UBAP1L: variants seen among roughly 807,000 people sequenced by gnomAD.
UBAP1L encodes ubiquitin-associated protein 1-like.
A neutral mutation model predicts 32.1 loss-of-function variants in UBAP1L; 32 were observed. That is an observed-to-expected ratio of 1.00 (90% CI 0.75 to 1.34). The LOEUF (loss-of-function observed/expected upper bound fraction) is 1.34. Ranked by LOEUF, UBAP1L falls within the 40% of genes most tolerant of loss-of-function variation. The probability of loss-of-function intolerance (pLI) is 0.00; values close to 1 mark genes in which losing one functional copy is unlikely to be tolerated. For synonymous variants in UBAP1L, 243 were observed against 250.2 expected, an observed-to-expected ratio of 0.97 and a Z score of 0.27; for missense variants, 516 against 540.5, an observed-to-expected ratio of 0.95 and a Z score of 0.45.
Position 65,110,314 on chromosome 15 carries a change from G to A in UBAP1L, c.-173-3926C>T, listed in dbSNP as rs1426230194. Among the ~76,000 whole-genome samples the A allele has an allele frequency of 4.6e-5, 7 of 151,436 alleles. No homozygotes were observed. In the South Asian group the frequency reaches 8.3e-4, roughly 18 times the overall value. On this transcript the variant is annotated intron_variant, in intron 1 of 5. Transcript: ENST00000559089. Reference sequence around the variant, plus strand: ...GCGGAGATTGCAGTGAGCTGAAATCGCGCGACTGCACTCCAGCCTGGTGAC... The same window carrying A: ...GCGGAGATTGCAGTGAGCTGAAATCACGCGACTGCACTCCAGCCTGGTGAC...
intron 5 of UBAP1L, 66 bp from the exon 6 acceptor site, chr15:65,093,297 C>A (rs1257674606): frequency 2.1e-6 from 3 of 1,458,496 alleles, no homozygotes; most frequent in East Asian, 2.5e-5. Flanking sequence ...CATGGGGAGC[C>A]CCAGCTCCAG....
At chr15:65,100,301 G>A (rs2087226513) in intron 3 of UBAP1L, 1 of 151,604 alleles carries the variant, frequency 6.6e-6, no homozygotes, top group Non-Finnish European at 1.5e-5. Context: ...AAAGAAATAT[G>A]AGGTCCATTC....
Position 65,102,205 on chromosome 15 carries a change from C to G in UBAP1L, c.600G>C (p.Pro200=), listed in dbSNP as rs2087248870. 2 of 1,207,380 alleles carry G rather than the reference C, an allele frequency of 1.7e-6. No homozygotes were observed. Among genetic ancestry groups the G allele is most frequent in the South Asian group, 3.7e-5 (1 of 26,964 alleles). The allele number at this position is 1,207,380 out of a possible 1,614,324, so 74.8% of individuals were successfully genotyped here. A position where few individuals can be genotyped will look rare whatever the true frequency, so the allele number is the denominator to read the frequency against. ...CGGCGGGGTGCTGGGGCGCGGGCCC[C>G]GGGGGTGATGCAGACCTGGGGGACT... ...PAQSPRSASP[P]GPAPQHPAAP... Residue 200 remains proline, a synonymous_variant, in exon 3 of 6, where the codon CCG becomes CCC. Transcript: ENST00000559089. This position sits in a 1 kb window ranked among gnomAD's most constrained non-coding sequence, Gnocchi z 5.0.
At chr15:65,100,389 C>T (rs939865006) in intron 3 of UBAP1L, 7 of 152,354 alleles carry the variant, frequency 4.6e-5, no homozygotes, top group African/African-American at 1.7e-4. Flanking sequence ...CGCTTGGTAC[C>T]TCAACCCTAC....
At chr15:65,107,333 CAA>C (rs1322657058) in intron 1 of UBAP1L, among the ~76,000 whole-genome samples, 2 of 99,994 alleles carry the variant, frequency 2.0e-5, no homozygotes. Context: ...GATGCTGTCT[CAA>C]AAAAAAAAAG....
chr15:65,110,231 T>G (rs1425327198), intron 1 of UBAP1L, among the ~76,000 whole-genome samples: 1 of 151,208 alleles, frequency 6.6e-6, no homozygotes, highest in Non-Finnish European at 1.5e-5. Context: ...TGGTGGTGCG[T>G]GCCTGTAGTC....
intron 4 of UBAP1L, chr15:65,098,377 G>C (rs1038339651): frequency 6.6e-6 from 1 of 152,124 alleles, no homozygotes; most frequent in African/African-American, 2.4e-5. Flanking sequence ...ATCCATCCTT[G>C]AAGTCCTGCT....
intron 4 of UBAP1L, chr15:65,098,648 T>A (rs534640730): frequency 3.3e-5 from 5 of 152,174 alleles, no homozygotes; most frequent in Non-Finnish European, 7.3e-5. Flanking sequence ...GCTGGAGATA[T>A]GTGGCCCAGC....
chr15:65,108,461 C>A (rs115062339), intron 1 of UBAP1L, among the ~76,000 whole-genome samples: 1 of 152,112 alleles, frequency 6.6e-6, no homozygotes, highest in Admixed American at 6.5e-5. Flanking sequence ...AAAGGGCTAA[C>A]GGGCCAGGCA....
chr15:65,100,519 T>G (rs1327635396), intron 3 of UBAP1L: 1 of 152,186 alleles, frequency 6.6e-6, no homozygotes, highest in Non-Finnish European at 1.5e-5. Context: ...GGGGAGGAAC[T>G]GGGCACACCA....
intron 2 of UBAP1L, chr15:65,104,797 T>A: frequency 4.9e-6 from 1 of 202,366 alleles, no homozygotes; most frequent in South Asian, 5.3e-5. Context: ...CACGAGGTCA[T>A]GAGATCAAGA....
chr15:65,102,547 C>A lies in UBAP1L; in HGVS notation c.258G>T (p.Gly86=). 6.5e-7 allele frequency: 1 copy of A among 1,528,492 alleles called. No individual in the cohort carries two copies. The highest frequency in any genetic ancestry group is 2.1e-5 in the Admixed American group (1 of 47,494). The allele number at this position is 1,528,492 out of a possible 1,614,324, so 94.7% of individuals were successfully genotyped here. ...TGATTGTGGTGGGCGCAGGCGCCAG[C>A]CCATGTTCGGGGCTGACTAGCAAGA... The part of the protein sequence containing the change: ...AWLLLVSPEH[G]LAPAPTTIRD... Residue 86 remains glycine (G), a synonymous_variant, in exon 3 of 6, where the codon GGG becomes GGT. Transcript: ENST00000559089. This position sits in a 1 kb window ranked among gnomAD's most constrained non-coding sequence, Gnocchi z 5.0.
At position 65,106,306 on chromosome 15, in the gene UBAP1L, C is replaced by T; in HGVS notation, c.-91G>A. 1 of 1,329,042 alleles carries T rather than the reference C, an allele frequency of 7.5e-7. No individual in the cohort carries two copies. Among genetic ancestry groups the T allele is most frequent in the South Asian group, 1.7e-5 (1 of 60,316 alleles). 82.3% of individuals were successfully genotyped at this position (1,329,042 alleles called of 1,614,324 possible). A position where few individuals can be genotyped will look rare whatever the true frequency, so the allele number is the denominator to read the frequency against. On this transcript the variant is annotated 5_prime_UTR_variant, in exon 2 of 6. Coordinates refer to ENST00000559089, the MANE Select transcript of UBAP1L (RefSeq NM_001163692.2). ...TCGAGTCCTGAGGACCAGGCTCAGG[C>T]CTCAAATGGCCTCACTGCTCTCCTG...
At chr15:65,112,441 A>C (rs1029029787) in intron 1 of UBAP1L, among the ~76,000 whole-genome samples, 1 of 152,078 alleles carries the variant, frequency 6.6e-6, no homozygotes, top group African/African-American at 2.4e-5. Context: ...GCATGCTTGG[A>C]CAAACTGTAA....
rs56359277 is a variant in UBAP1L at position 65,107,739 on chromosome 15, CAAAAAAAAAAA to C, written c.-173-1362_-173-1352del. ...GGGCAACAAGAAGGAAACGCTGTCT[CAAAAAAAAAAA>C]AAAAAAAAAAGGAAAATTTAAAAAG... On this transcript the variant is annotated intron_variant, in intron 1 of 5. Transcript: ENST00000559089. Among the ~76,000 whole-genome samples the C allele has an allele frequency of 6.2e-3, 589 of 94,756 alleles. 7 individuals are homozygous for C. The highest frequency in any genetic ancestry group is 0.021 in the African/African-American group (544 of 25,548). The allele number at this position is 94,756 out of a possible 152,430, so 62.2% of individuals were successfully genotyped here.
At chr15:65,110,269 G>C (rs2087359477) in intron 1 of UBAP1L, among the ~76,000 whole-genome samples, 1 of 152,014 alleles carries the variant, frequency 6.6e-6, no homozygotes, top group African/African-American at 2.4e-5. Flanking sequence ...TGAGGCAGGA[G>C]AATCGCTTGA....
intron 2 of UBAP1L, among the ~76,000 whole-genome samples, chr15:65,104,320 GAAAGA>G (rs1412500082): frequency 6.7e-6 from 1 of 149,620 alleles, no homozygotes. Context: ...GAGAGAGAGA[GAAAGA>G]GAAGAGAAGA....
chr15:65,093,099 A>G lies in UBAP1L; in HGVS notation c.1144T>C (p.Ter382ArgextTer29). 6.5e-7 allele frequency: 1 copy of G among 1,547,048 alleles called. No homozygotes were observed. Among genetic ancestry groups the G allele is most frequent in the Non-Finnish European group, 8.7e-7 (1 of 1,146,024 alleles). Residue 382 changes from the stop codon to arginine (R), a stop_lost, in exon 6 of 6, where the codon TGA becomes CGA. Coordinates refer to ENST00000559089, the MANE Select transcript of UBAP1L (RefSeq NM_001163692.2). ...GGCATCGTGGAGTGCCTCCGTGGTC[A>G]CTGGGCACAGGCCACCAGCTCCTCC... ...ALEELVACAQ[*>R]
At chr15:65,113,734 CGA>C (rs1298995287) in intron 1 of UBAP1L, among the ~76,000 whole-genome samples, 2 of 151,844 alleles carry the variant, frequency 1.3e-5, no homozygotes, top group African/African-American at 2.4e-5. Flanking sequence ...GGCGACAAAG[CGA>C]GAGTCTGTCT....
Sources: allele counts gnomAD v4.1 joint callset (sites outside exome capture counted in the v4.1 genomes callset), GRCh38; gene constraint gnomAD v4.1.1; non-coding constraint Gnocchi (gnomAD v3.1); transcripts MANE v1.5; gene names NCBI Gene and HGNC (gene_info 2026-07-23, HGNC 2026-07-21).